DUSP22: variants seen among roughly 807,000 people sequenced by gnomAD.
The protein encoded by DUSP22 is dual specificity phosphatase 22.
A neutral mutation model predicts 24.5 loss-of-function variants in DUSP22; 24 were observed. The observed-to-expected ratio is 0.98, with a 90% CI of 0.71 to 1.38. The LOEUF (loss-of-function observed/expected upper bound fraction) is 1.38, where lower values mean the gene tolerates loss of function less well. Among genes scored for constraint, DUSP22 ranks in the 40% most tolerant of loss-of-function variants. The pLI, the probability that DUSP22 is intolerant of heterozygous loss-of-function variation, is 0.00. For synonymous variants in DUSP22, 160 were observed against 106.4 expected, an observed-to-expected ratio of 1.50 and a Z score of -3.10; for missense variants, 330 against 269.2, an observed-to-expected ratio of 1.23 and a Z score of -1.58.
At chr6:344,765 T>C (rs1759775650) in intron 4 of DUSP22, among the ~76,000 whole-genome samples, 2 of 152,422 alleles carry the variant, frequency 1.3e-5, no homozygotes, top group South Asian at 4.1e-4. Flanking sequence ...AGCTCTCCAC[T>C]GAGCTGCAGA....
At chr6:326,076 C>A in intron 3 of DUSP22, 1 of 237,514 alleles carries the variant, frequency 4.2e-6, no homozygotes. Context: ...GAGTCATCTG[C>A]CCTGGGCTTC....
intron 2 of DUSP22, among the ~76,000 whole-genome samples, chr6:308,176 G>T (rs1013975215): frequency 5.2e-5 from 8 of 152,422 alleles, no homozygotes; most frequent in South Asian, 2.1e-4. Context: ...CTCTGCTGCC[G>T]GTTGGAGGAC....
intron 4 of DUSP22, among the ~76,000 whole-genome samples, chr6:342,395 C>T (rs951733721): frequency 1.3e-5 from 2 of 152,422 alleles, no homozygotes; most frequent in Admixed American, 1.3e-4. Context: ...GCCTGGGGGA[C>T]CAAGGAGGGT....
chr6:305,418 C>A (rs1163765579), intron 2 of DUSP22, among the ~76,000 whole-genome samples: 2 of 152,304 alleles, frequency 1.3e-5, no homozygotes, highest in Non-Finnish European at 2.9e-5. Context: ...TAACCTTTTA[C>A]AACTTTCATT....
intron 2 of DUSP22, among the ~76,000 whole-genome samples, chr6:309,343 T>A (rs1389546386): frequency 1.3e-5 from 2 of 152,310 alleles, no homozygotes; most frequent in African/African-American, 4.8e-5. Context: ...TTTCTCACTT[T>A]GGGTCAAAAG....
At chr6:301,758 CAG>C (rs1176309831) in intron 1 of DUSP22, among the ~76,000 whole-genome samples, 2 of 152,288 alleles carry the variant, frequency 1.3e-5, no homozygotes, top group African/African-American at 4.8e-5. Context: ...GTGGCACCAT[CAG>C]GGGCAGGAGG....
At position 348,247 on chromosome 6, in the gene DUSP22, G is replaced by A. The variant is rs1257698110; in HGVS notation, c.408G>A (p.Gln136=). The change falls in exon 6 of 7, where the codon CAG becomes CAA. Residue 136 remains glutamine (Q), a synonymous_variant. Transcript: ENST00000419235. The part of the protein sequence containing the change: ...NPNVGFQRQL[Q]EFEKHEVHQY... ...ACGTGGGCTTCCAGAGACAGCTCCA[G>A]GAGTTTGAGAAGCATGAGGTCCATC... is the stretch of plus-strand genomic sequence containing the variant. The A allele has an allele frequency of 6.2e-7, 1 of 1,614,310 alleles. No individual in the cohort carries two copies. The highest frequency in any genetic ancestry group is 1.7e-5 in the Admixed American group (1 of 60,036).
intron 1 of DUSP22, among the ~76,000 whole-genome samples, chr6:299,301 C>T (rs1757478868): frequency 6.6e-6 from 1 of 152,308 alleles, no homozygotes; most frequent in African/African-American, 2.4e-5. Context: ...CAGGTCTCCT[C>T]TATAAATCGT....
chr6:330,180 G>A (rs945031109), intron 3 of DUSP22, among the ~76,000 whole-genome samples: 1 of 152,300 alleles, frequency 6.6e-6, no homozygotes, highest in Non-Finnish European at 1.5e-5. Context: ...AGGCTGAGAT[G>A]AGAAACCGGG....
intron 3 of DUSP22, among the ~76,000 whole-genome samples, chr6:331,053 T>G (rs1759119820): frequency 6.6e-6 from 1 of 152,308 alleles, no homozygotes; most frequent in Non-Finnish European, 1.5e-5. Flanking sequence ...TCGCTGCTCT[T>G]TCTTTGTCCT....
chr6:347,822 G>A (rs935792277), intron 5 of DUSP22, among the ~76,000 whole-genome samples: 1 of 152,306 alleles, frequency 6.6e-6, no homozygotes, highest in South Asian at 2.1e-4. Flanking sequence ...CTGAGGAGGG[G>A]CTGAGGAGCA....
chr6:319,527 A>T (rs571769632), intron 3 of DUSP22, among the ~76,000 whole-genome samples: 1 of 152,428 alleles, frequency 6.6e-6, no homozygotes, highest in East Asian at 1.9e-4. Context: ...TACCTGAATG[A>T]TTGGACACAA....
At chr6:339,764 T>C (rs1759519009) in intron 4 of DUSP22, among the ~76,000 whole-genome samples, 1 of 152,306 alleles carries the variant, frequency 6.6e-6, no homozygotes, top group African/African-American at 2.4e-5. Flanking sequence ...TTATTCTATC[T>C]CCCTATCTTT....
At chr6:304,848 C>A (rs545451899) in intron 2 of DUSP22, among the ~76,000 whole-genome samples, 187 bp downstream of exon 2, 349 of 152,272 alleles carry the variant, frequency 2.3e-3, no homozygotes, top group South Asian at 0.021. Flanking sequence ...AACACCAACT[C>A]CCCATTCCTC....
chr6:319,320 C>T (rs1581164832), intron 3 of DUSP22, among the ~76,000 whole-genome samples: 1 of 152,426 alleles, frequency 6.6e-6, no homozygotes, highest in East Asian at 1.9e-4. Flanking sequence ...CTGTGTTTGG[C>T]TGCGCTGTGT....
chr6:303,947 T>C (rs1295661557), intron 1 of DUSP22, among the ~76,000 whole-genome samples: 1 of 152,292 alleles, frequency 6.6e-6, no homozygotes, highest in Admixed American at 6.5e-5. Context: ...CTTAGAAGAG[T>C]TGACATTTTG....
intron 4 of DUSP22, among the ~76,000 whole-genome samples, chr6:338,589 A>G (rs111462677): frequency 7.0e-3 from 1,062 of 152,058 alleles, no homozygotes; most frequent in Middle Eastern, 0.028. Flanking sequence ...CTTACCTGTC[A>G]CTTGGAAACT....
chr6:326,967 G>C (rs576863918), intron 3 of DUSP22, among the ~76,000 whole-genome samples: 2 of 152,428 alleles, frequency 1.3e-5, no homozygotes, highest in Admixed American at 1.3e-4. Context: ...GGCTTGGCAC[G>C]CTTTGGCTGT....
At chr6:321,732 A>T (rs960284108) in intron 3 of DUSP22, among the ~76,000 whole-genome samples, 2 of 139,850 alleles carry the variant, frequency 1.4e-5, no homozygotes, top group Non-Finnish European at 2.9e-5. Flanking sequence ...AAACTACATT[A>T]AAAAAAAAGG....
Sources: gnomAD v4.1 joint callset for allele counts (sites outside exome capture counted in the v4.1 genomes callset) on GRCh38, gnomAD v4.1.1 for gene constraint, MANE v1.5 for transcripts, NCBI Gene and HGNC (gene_info 2026-07-23, HGNC 2026-07-21) for gene names.